Variants in STAB1 observed in about 807,000 individuals in gnomAD.
STAB1 encodes stabilin-1.
In STAB1, 250 loss-of-function variants were observed where a neutral mutation model predicts 332.4. The ratio of observed to expected loss-of-function variants is 0.75; its 90% CI spans 0.68 to 0.84. The LOEUF is 0.84. STAB1 is among the 40% of genes least tolerant of loss of function. The pLI is 0.00. For missense variants in STAB1, 3,249 were observed against 3,489.7 expected (o/e 0.93, Z 1.74); for synonymous variants, 1,475 against 1,390.4 (o/e 1.06, Z -1.35).
intron 20 of STAB1, 28 bp downstream of exon 20, chr3:52,508,054 C>T: frequency 6.2e-7 from 1 of 1,603,692 alleles, no homozygotes; most frequent in Non-Finnish European, 8.5e-7. Context: ...TGCCCACTCC[C>T]AGGTCACCTG....
chr3:52,513,463 G>T (rs1444575818), intron 30 of STAB1, among the ~76,000 whole-genome samples: 1 of 152,180 alleles, frequency 6.6e-6, no homozygotes, highest in Non-Finnish European at 1.5e-5. Context: ...GTCCATCTCA[G>T]TCTGCACATG....
chr3:52,519,829 C>G, intron 50 of STAB1, 115 bp from the exon 51 acceptor site: 1 of 1,344,324 alleles, frequency 7.4e-7, no homozygotes, highest in Non-Finnish European at 9.9e-7. Flanking sequence ...GGGATGGTCA[C>G]AGATGAGTGT....
chr3:52,518,146 T>C, intron 45 of STAB1, 143 bp downstream of exon 45: 1 of 1,485,994 alleles, frequency 6.7e-7, no homozygotes. Flanking sequence ...TACCTGGGCC[T>C]GACCCCAGCT....
chr3:52,505,602 C>A, intron 14 of STAB1, 66 bp from the exon 15 acceptor site: 1 of 1,514,142 alleles, frequency 6.6e-7, no homozygotes, highest in African/African-American at 1.4e-5. Context: ...GGTGGCAGGG[C>A]CCAGGCAGGA....
intron 44 of STAB1, 73 bp downstream of exon 44, chr3:52,517,697 A>G: frequency 6.3e-7 from 1 of 1,576,596 alleles, no homozygotes; most frequent in Non-Finnish European, 8.7e-7. Context: ...AGCCCTTCTC[A>G]CCTCCAGCAG....
rs1196105053 is a variant in STAB1, at chr3:52,513,954, C to T, written c.3420C>T (p.Ala1140=). The T allele has an allele frequency of 6.2e-7, 1 of 1,605,208 alleles. No individual in the cohort carries two copies. Among genetic ancestry groups the T allele is most frequent in the South Asian group, 1.1e-5 (1 of 90,206 alleles). ...TGCAGCAGCTGGACTTGGTGCCTGC[C>T]TTCAGCCTCTTCCGGGAATTGCTGC... ...GLLQQLDLVP[A]FSLFRELLQH... is the part of the protein sequence containing the mutation. The change falls in exon 32 of 69, where the codon GCC becomes GCT. Residue 1140 remains alanine (A), a synonymous_variant. Transcript: ENST00000321725.
chr3:52,503,474 A>G lies in STAB1; in HGVS notation c.825A>G (p.Pro275=). The G allele has an allele frequency of 6.2e-7, 1 of 1,613,772 alleles. No homozygotes were observed. The highest frequency in any genetic ancestry group is 8.5e-7 in the Non-Finnish European group (1 of 1,180,024). Residue 275 remains proline (P), a synonymous_variant, in exon 8 of 69, where the codon CCA becomes CCG. Coordinates refer to ENST00000321725, the MANE Select transcript of STAB1 (RefSeq NM_015136.3). The stretch of plus-strand genomic sequence containing the variant: ...GGATGGTGTGTCTGCCCAAGGACCC[A>G]TGCACTGACAACCTTGGTGGCTGCC... ...GDGMVCLPKD[P]CTDNLGGCPS...
chr3:52,518,873 AGCCCTG>A lies in STAB1; in HGVS notation c.5034+14_5034+19del, dbSNP rs777696112. On this transcript the variant is annotated splice_donor_5th_base_variant and intron_variant, in intron 48 of 68. Transcript: ENST00000321725. ...ACTGCGCTTCAGCGAGAGGGAGGTG[AGCCCTG>A]GCCCTGGCCTGCCCCGCTCCATCCC... 2.6e-6 allele frequency: 4 copies of A among 1,560,912 alleles called. No individual in the cohort carries two copies. The South Asian group carries it at 3.4e-5, about 13-fold the overall frequency.
chr3:52,499,564 T>C (rs543648925), intron 1 of STAB1, among the ~76,000 whole-genome samples: 7 of 152,316 alleles, frequency 4.6e-5, no homozygotes, highest in South Asian at 2.1e-4. Flanking sequence ...CACCTGCCCC[T>C]GCGACTGTAT....
rs372129342 is a variant in STAB1, at chr3:52,509,316, A to G, written c.2342A>G (p.Gln781Arg). Residue 781 changes from glutamine (Q) to arginine (R), a missense_variant, in exon 22 of 69, where the codon CAG (glutamine) becomes CGG (arginine). Gln to Arg is a conservative substitution (Grantham distance 43). Transcript: ENST00000321725. ...CCAAACAAGCATGGAGAGCAATGCCAGGAAGGTGGGTGGTCCTGGCTCAGG... is the reference window on the plus strand; with the variant it reads ...CCAAACAAGCATGGAGAGCAATGCCGGGAAGGTGGGTGGTCCTGGCTCAGG... The part of the protein sequence containing the change: ...SNPNKHGEQC[Q>R]EDCGCVHGLC... 6.8e-6 allele frequency: 11 copies of G among 1,613,088 alleles called. No individual in the cohort carries two copies. Among genetic ancestry groups the G allele is most frequent in the Non-Finnish European group, 9.3e-6 (11 of 1,179,868 alleles).
intron 22 of STAB1, 120 bp from the exon 23 acceptor site, chr3:52,509,750 C>T (rs113570590): frequency 1.3e-5 from 14 of 1,068,652 alleles, no homozygotes; most frequent in African/African-American, 3.2e-5. Flanking sequence ...CTGATTTTTC[C>T]ACCCTGAAGT....
At position 52,523,421 on chromosome 3, in the gene STAB1, TCA is replaced by T; in HGVS notation, c.7141-3_7141-2del. ...CCCAGGCCAACAGGCCTTGCTCTGC[TCA>T]CAGACGCTGAGTGGCCCAGACTTGG... On this transcript the variant is annotated splice_polypyrimidine_tract_variant and splice_region_variant and intron_variant, in intron 64 of 68. Coordinates refer to ENST00000321725, the MANE Select transcript of STAB1 (RefSeq NM_015136.3). The T allele has an allele frequency of 1.2e-6, 2 of 1,608,854 alleles. No homozygotes were observed. Among genetic ancestry groups the T allele is most frequent in the Non-Finnish European group, 1.7e-6 (2 of 1,177,672 alleles).
At position 52,505,124 on chromosome 3, in the gene STAB1, G is replaced by A; in HGVS notation, c.1499G>A (p.Gly500Glu). The change falls in exon 13 of 69, where the codon GGG becomes GAG. Residue 500 changes from glycine (G) to glutamate (E), a missense_variant. By Grantham distance (98) the Gly-to-Glu change is moderately conservative (BLOSUM62 -2). Transcript: ENST00000321725. ...VTGLRWQAPSGTPGDPKRTIG... is the reference protein window; with the variant it reads ...VTGLRWQAPSETPGDPKRTIG... The stretch of plus-strand genomic sequence containing the variant: ...GGCCTGCGGTGGCAGGCCCCCTCTG[G>A]GACCCCTGGGGATCCCAAGGTGAGC... The A allele has an allele frequency of 6.2e-7, 1 of 1,613,054 alleles. No individual in the cohort carries two copies.
chr3:52,520,349 C>T, intron 52 of STAB1, 51 bp from the exon 53 acceptor site: 1 of 1,612,846 alleles, frequency 6.2e-7, no homozygotes, highest in Non-Finnish European at 8.5e-7. Flanking sequence ...CTGGCAGTAG[C>T]AGCTGGAGTG....
At chr3:52,499,858 C>CA (rs1708311225) in intron 1 of STAB1, among the ~76,000 whole-genome samples, 1 of 136,866 alleles carries the variant, frequency 7.3e-6, no homozygotes, top group African/African-American at 2.9e-5. Flanking sequence ...GAGATCCCGC[C>CA]ACTGCACTCC....
At chr3:52,515,655 G>T in intron 37 of STAB1, 149 bp downstream of exon 37, 1 of 816,700 alleles carries the variant, frequency 1.2e-6, no homozygotes, top group East Asian at 2.6e-5. Flanking sequence ...GGAGATGGGA[G>T]AGAGGTCTGA....
Position 52,520,832 on chromosome 3 carries a change from AC to A in STAB1, c.5738del (p.Pro1913ArgfsTer77), listed in dbSNP as rs1281939815. On this transcript the variant is annotated frameshift_variant, in exon 55 of 69. Coordinates refer to ENST00000321725, the MANE Select transcript of STAB1 (RefSeq NM_015136.3). LOFTEE classifies it high-confidence loss of function. ...AGCCCTGAGGCCTGCTGGCGCTTCT[AC>A]CCGAAGTTCTGGACGTCCCCTCCGC... ...QGSPEACWRF[Y>X]PKFWTSPPLH... 1 of 1,612,662 alleles carries A rather than the reference AC, an allele frequency of 6.2e-7. No individual in the cohort carries two copies. The highest frequency in any genetic ancestry group is 8.5e-7 in the Non-Finnish European group (1 of 1,179,994).
intron 10 of STAB1, 67 bp downstream of exon 10, chr3:52,504,222 G>T: frequency 6.5e-7 from 1 of 1,536,292 alleles, no homozygotes; most frequent in Non-Finnish European, 8.7e-7. Flanking sequence ...AGGGAGGGAG[G>T]AGCTGCCTCT....
rs1190010859 is a variant in STAB1, at chr3:52,505,342, C to T, written c.1542C>T (p.Ala514=). 1.2e-6 allele frequency: 2 copies of T among 1,613,576 alleles called. No individual in the cohort carries two copies. Among genetic ancestry groups the T allele is most frequent in the Non-Finnish European group, 1.7e-6 (2 of 1,179,946 alleles). ...DPKRTIGQIL[A]STEAFSRFET... ...AGAGAACTATCGGACAGATCCTCGC[C>T]TCTACCGAGGCCTTCAGCCGCTTTG... The change falls in exon 14 of 69, where the codon GCC becomes GCT. Residue 514 remains alanine (A), a synonymous_variant. Transcript: ENST00000321725.
Sources: gnomAD v4.1 joint callset for allele counts (sites outside exome capture counted in the v4.1 genomes callset) on GRCh38, gnomAD v4.1.1 for gene constraint, MANE v1.5 for transcripts, NCBI Gene and HGNC (gene_info 2026-07-23, HGNC 2026-07-21) for gene names.